The following COQ6 variants were observed in gnomAD, a reference collection of about 807,000 sequenced individuals.
The protein encoded by COQ6 is ubiquinone biosynthesis monooxygenase COQ6, mitochondrial.
A neutral mutation model predicts 55.5 loss-of-function variants in COQ6; 45 were observed. That is an observed-to-expected ratio of 0.81 (90% CI 0.64 to 1.04). COQ6 has a LOEUF of 1.04. Ranked by LOEUF, COQ6 falls within the 50% of genes least tolerant of loss-of-function variation. The pLI is 0.00. For missense variants in COQ6, 550 were observed against 601.3 expected (o/e 0.91, Z 0.89); for synonymous variants, 206 against 230.5 (o/e 0.89, Z 0.96).
intron 2 of COQ6, chr14:73,953,818 G>C (rs182083789): frequency 2.4e-5 from 14 of 573,860 alleles, no homozygotes; most frequent in Non-Finnish European, 4.4e-5. Context: ...GACTTCACTT[G>C]TGATGTTGTG....
chr14:73,963,111 A>T lies in COQ6; in HGVS notation c.*112A>T, dbSNP rs113516835. 7.3e-6 allele frequency: 7 copies of T among 964,130 alleles called. 1 individual carries two copies. The highest frequency in any genetic ancestry group is 4.9e-5 in the African/African-American group (3 of 60,814). The allele number at this position is 964,130 out of a possible 1,614,324, so 59.7% of individuals were successfully genotyped here. A position where few individuals can be genotyped will look rare whatever the true frequency, so the allele number is the denominator to read the frequency against. On this transcript the variant is annotated 3_prime_UTR_variant, in exon 12 of 12. Transcript: ENST00000334571. ...ATTTAATAAACTTACTTTACATTAA[A>T]ATTCTCTTTTTCTTCTTTGCTTAAT... is the stretch of plus-strand genomic sequence containing the variant.
In COQ6 at chr14:73,955,819, C is replaced by G. The variant is rs772884853; in HGVS notation, c.372C>G (p.Cys124Trp). The change falls in exon 4 of 12, where the codon TGC becomes TGG. Residue 124 changes from cysteine (C) to tryptophan (W), a missense_variant. By Grantham distance (215) the Cys-to-Trp change is radical (BLOSUM62 -2). Transcript: ENST00000334571. Reference protein sequence around the residue: ...AFRRMQVWDACSEALIMFDKD... With the variant: ...AFRRMQVWDAWSEALIMFDKD... ...TGTGTTTCCAGGTGTGGGACGCCTG[C>G]TCAGAGGCCCTGATAATGTTTGATA... is the stretch of plus-strand genomic sequence containing the variant. The G allele has an allele frequency of 6.2e-7, 1 of 1,614,140 alleles. No individual in the cohort carries two copies. The highest frequency in any genetic ancestry group is 1.1e-5 in the South Asian group (1 of 91,084).
chr14:73,955,853 T>A lies in COQ6; in HGVS notation c.406T>A (p.Leu136Ile), dbSNP rs1566684955. Residue 136 changes from leucine to isoleucine, a missense_variant, in exon 4 of 12, where the codon TTA (leucine) becomes ATA (isoleucine). By Grantham distance (5) the Leu-to-Ile change is conservative (BLOSUM62 2). Coordinates refer to ENST00000334571, the MANE Select transcript of COQ6 (RefSeq NM_182476.3). ...EALIMFDKDNLDDMGYIVEND... is the reference protein window; with the variant it reads ...EALIMFDKDNIDDMGYIVEND... Reference sequence around the variant, plus strand: ...CCTGATAATGTTTGATAAGGATAATTTAGATGACATGGGCTATATCGTGGA... The same window carrying A: ...CCTGATAATGTTTGATAAGGATAATATAGATGACATGGGCTATATCGTGGA... 11 of 1,614,126 alleles carry A rather than the reference T, an allele frequency of 6.8e-6. No individual in the cohort carries two copies. The highest frequency in any genetic ancestry group is 8.5e-6 in the Non-Finnish European group (10 of 1,180,024).
chr14:73,958,822 C>T (rs1566688356), intron 5 of COQ6, 149 bp from the exon 6 acceptor site: 8 of 1,533,188 alleles, frequency 5.2e-6, no homozygotes, highest in South Asian at 4.8e-5. Flanking sequence ...AGGGGCTCCA[C>T]CTCTAGGGGC....
chr14:73,956,043 G>GGC (rs2056414427), intron 4 of COQ6, 115 bp downstream of exon 4: 1 of 1,493,286 alleles, frequency 6.7e-7, no homozygotes, highest in Non-Finnish European at 9.2e-7. Context: ...ATCCTCTGAT[G>GGC]GCCGGGTGCG....
rs1342037127 is a variant in COQ6, at chr14:73,953,557, A to G, written c.286A>G (p.Thr96Ala). 3 of 1,614,246 alleles carry G rather than the reference A, an allele frequency of 1.9e-6. No individual in the cohort carries two copies. The highest frequency in any genetic ancestry group is 2.2e-5 in the East Asian group (1 of 44,888). Residue 96 changes from threonine to alanine, a missense_variant, in exon 2 of 12, where the codon ACG becomes GCG. Physicochemically the swap from Thr to Ala is moderately conservative, Grantham distance 58. Coordinates refer to ENST00000334571, the MANE Select transcript of COQ6 (RefSeq NM_182476.3). ...CAGCTCCATTTCCCCTGGCTCTGCA[A>G]CGCTTCTCAGTAGTGAGTAGAAGAT... is the stretch of plus-strand genomic sequence containing the variant. ...RVSSISPGSA[T>A]LLSSFGAWDH...
chr14:73,956,144 G>C (rs566271548), intron 4 of COQ6: 132 of 494,280 alleles, frequency 2.7e-4, no homozygotes, highest in Non-Finnish European at 4.3e-4. Flanking sequence ...CTAACATGGT[G>C]AAACCCTGTC....
At chr14:73,950,595 C>T (rs2056149196) in intron 1 of COQ6, 100 bp downstream of exon 1, 2 of 1,474,374 alleles carry the variant, frequency 1.4e-6, no homozygotes, top group Non-Finnish European at 1.8e-6. Flanking sequence ...GACAATTTCT[C>T]AGGTCTCGCG....
Position 73,950,822 on chromosome 14 carries a change from G to A in COQ6, c.163+327G>A, listed in dbSNP as rs1594783370. 2.0e-5 allele frequency among the ~76,000 whole-genome samples: 3 copies of A among 152,208 alleles called. No individual in the cohort carries two copies. In the South Asian group the frequency reaches 6.2e-4, roughly 32 times the overall value. ...TCTTTTTGTTTATAGACATTCTAGT[G>A]GGTGTAAGTAAAGTGGGATCTCCAG... On this transcript the variant is annotated intron_variant, in intron 1 of 11. Transcript: ENST00000334571.
chr14:73,949,927 C>T (rs1194796651), upstream of COQ6: 2 of 1,608,956 alleles, frequency 1.2e-6, no homozygotes. Context: ...CAACAGTTTC[C>T]TCTCCGGGAT....
chr14:73,950,589 A>G (rs1011538622), intron 1 of COQ6, 94 bp downstream of exon 1: 44 of 1,485,428 alleles, frequency 3.0e-5, no homozygotes, highest in South Asian at 1.3e-4. Context: ...CCCAAAGACA[A>G]TTTCTCAGGT....
Position 73,961,755 on chromosome 14 carries a change from C to CAG in COQ6, c.1230_1231dup (p.Gly411GlufsTer21). On this transcript the variant is annotated frameshift_variant, in exon 11 of 12. Transcript: ENST00000334571. LOFTEE classifies it high-confidence loss of function. ...CCTTCAGGTTCCGTGAGCCACCTCA[C>CAG]AGGTTATGAAACAGAAAGACAGCGT... 1 of 1,614,176 alleles carries CAG rather than the reference C, an allele frequency of 6.2e-7. No individual in the cohort carries two copies. The highest frequency in any genetic ancestry group is 2.2e-5 in the East Asian group (1 of 44,886).
intron 11 of COQ6, 24 bp from the exon 12 acceptor site, chr14:73,962,946 C>A: frequency 1.3e-6 from 2 of 1,577,604 alleles, no homozygotes; most frequent in Non-Finnish European, 1.7e-6. Flanking sequence ...TTAAGAGTTT[C>A]ATTCACTTTT....
chr14:73,961,987 G>T, intron 11 of COQ6, 84 bp downstream of exon 11: 1 of 1,510,686 alleles, frequency 6.6e-7, no homozygotes. Context: ...TGGTCTTATC[G>T]CCCAGGATGG....
intron 2 of COQ6, 102 bp from the exon 3 acceptor site, chr14:73,955,349 G>A (rs1048798647): frequency 3.2e-5 from 27 of 850,020 alleles, no homozygotes; most frequent in Middle Eastern, 4.8e-4. Flanking sequence ...GAGTATTATT[G>A]AAGAACACTG....
At position 73,953,514 on chromosome 14, in the gene COQ6, A is replaced by G; in HGVS notation, c.243A>G (p.Glu81=). 6.2e-7 allele frequency: 1 copy of G among 1,614,220 alleles called. No individual in the cohort carries two copies. The highest frequency in any genetic ancestry group is 8.5e-7 in the Non-Finnish European group (1 of 1,180,042). The change falls in exon 2 of 12, where the codon GAA becomes GAG. Residue 81 remains glutamate (E), a synonymous_variant. Transcript: ENST00000334571. ...AGAAAGTACTGGAGAAATTGTCAGAAACTTACAGCAACAGGGTCAGCTCCA... is the reference window on the plus strand; with the variant it reads ...AGAAAGTACTGGAGAAATTGTCAGAGACTTACAGCAACAGGGTCAGCTCCA... ...GPKKVLEKLS[E]TYSNRVSSIS...
chr14:73,950,400 C>T lies in COQ6; in HGVS notation c.68C>T (p.Ser23Phe). 1 of 1,587,248 alleles carries T rather than the reference C, an allele frequency of 6.3e-7. No homozygotes were observed. Among genetic ancestry groups the T allele is most frequent in the Non-Finnish European group, 8.6e-7 (1 of 1,166,998 alleles). Residue 23 changes from serine (S) to phenylalanine (F), a missense_variant, in exon 1 of 12, where the codon TCC (serine) becomes TTC (phenylalanine). Transcript: ENST00000334571. ...GCTCCCCACAGCGGCCCGCTGGTGT[C>T]CTGGCGCAGGTGGTCCGGCGCCTCA... ...RAAPHSGPLV[S>F]WRRWSGASTD...
At chr14:73,959,609 C>A in intron 8 of COQ6, 87 bp downstream of exon 8, 1 of 1,600,094 alleles carries the variant, frequency 6.2e-7, no homozygotes, top group South Asian at 1.1e-5. Context: ...CGGATCCTTG[C>A]CAGGCTGGAG....
upstream of COQ6, chr14:73,950,100 G>C (rs761985696): frequency 6.2e-7 from 1 of 1,603,772 alleles, no homozygotes; most frequent in East Asian, 2.2e-5. Flanking sequence ...GCTATGCGGG[G>C]CCAGGGTCCA....
Sources: allele counts gnomAD v4.1 joint callset (sites outside exome capture counted in the v4.1 genomes callset), GRCh38; gene constraint gnomAD v4.1.1; transcripts MANE v1.5; gene names NCBI Gene and HGNC (gene_info 2026-07-23, HGNC 2026-07-21).